Variants in KDM1A observed in about 807,000 individuals in gnomAD.
The protein encoded by KDM1A is lysine-specific histone demethylase 1A.
A neutral mutation model predicts 109.4 loss-of-function variants in KDM1A; 49 were observed. That is an observed-to-expected ratio of 0.45 (90% confidence interval 0.36 to 0.57). The LOEUF is 0.57. Among genes scored for constraint, KDM1A ranks in the 20% least tolerant of loss-of-function variants. The pLI is 0.00. For missense variants in KDM1A, 668 were observed against 1,116.6 expected, an observed-to-expected ratio of 0.60 and a Z score of 5.73; for synonymous variants, 380 against 415.4, an observed-to-expected ratio of 0.91 and a Z score of 1.04.
rs774035707 is a variant in KDM1A at position 23,066,111 on chromosome 1, T to G, written c.1179+40T>G. 9 of 1,362,452 alleles carry G rather than the reference T, an allele frequency of 6.6e-6. No homozygotes were observed. The South Asian group carries it at 1.1e-4, about 16-fold the overall frequency. The allele number at this position is 1,362,452 out of a possible 1,614,324, so 84.4% of individuals were successfully genotyped here. ...ATTTTTCAAATCATTTTCCTCACTG[T>G]TTACAATAACCCATTAAAAGCTTGA... On this transcript the variant is annotated intron_variant, in intron 10 of 20. Transcript: ENST00000400181.
intron 1 of KDM1A, among the ~76,000 whole-genome samples, chr1:23,030,216 A>G (rs1641941581): frequency 6.6e-6 from 1 of 152,224 alleles, no homozygotes; most frequent in Non-Finnish European, 1.5e-5. Flanking sequence ...AGAGAGCCTT[A>G]GAGTCAATGA....
intron 2 of KDM1A, among the ~76,000 whole-genome samples, chr1:23,034,690 A>C (rs1642090298): frequency 6.6e-6 from 1 of 152,006 alleles, no homozygotes; most frequent in Non-Finnish European, 1.5e-5. Flanking sequence ...CTTACTAGTT[A>C]GTTCCTGGAT....
intron 18 of KDM1A, 142 bp from the exon 19 acceptor site, chr1:23,081,304 A>C: frequency 1.1e-6 from 1 of 934,080 alleles, no homozygotes; most frequent in African/African-American, 1.7e-5. Flanking sequence ...CAGAAACATA[A>C]TCTGTCTCTT....
chr1:23,023,948 C>T (rs1311047223), intron 1 of KDM1A, among the ~76,000 whole-genome samples: 1 of 152,198 alleles, frequency 6.6e-6, no homozygotes, highest in Non-Finnish European at 1.5e-5. Context: ...CTCCCAGGCT[C>T]AAGTGATGCT....
At chr1:23,033,460 T>A (rs1350400752) in intron 2 of KDM1A, among the ~76,000 whole-genome samples, 1 of 152,008 alleles carries the variant, frequency 6.6e-6, no homozygotes, top group Non-Finnish European at 1.5e-5. Context: ...AGGCAGAGGT[T>A]GCAGTGATCT....
In KDM1A at chr1:23,082,412, G is replaced by A. The variant is rs367805660; in HGVS notation, c.2445+46G>A. On this transcript the variant is annotated intron_variant, in intron 20 of 20. Coordinates refer to ENST00000400181, the MANE Select transcript of KDM1A (RefSeq NM_001009999.3). ...CTGGGCTTATTTGGGAAGAGGCCAGGATCTCATGATGTCCCTGATTTTTTT... is the reference window on the plus strand; with the variant it reads ...CTGGGCTTATTTGGGAAGAGGCCAGAATCTCATGATGTCCCTGATTTTTTT... The A allele has an allele frequency of 7.9e-6, 12 of 1,513,370 alleles. No individual in the cohort carries two copies. The African/African-American group carries it at 8.5e-5, about 11-fold the overall frequency. The allele number at this position is 1,513,370 out of a possible 1,614,324, so 93.7% of individuals were successfully genotyped here. A position where few individuals can be genotyped will look rare whatever the true frequency, so the allele number is the denominator to read the frequency against.
chr1:23,061,010 A>G (rs1569763204), intron 9 of KDM1A, among the ~76,000 whole-genome samples: 4 of 152,196 alleles, frequency 2.6e-5, no homozygotes, highest in African/African-American at 4.8e-5. Context: ...CTGAATGTAG[A>G]GCAGGTTGAT....
rs1165455258 is a variant in KDM1A, at chr1:23,069,061, G to A, written c.1323G>A (p.Gln441=). The change falls in exon 12 of 21, where the codon CAG becomes CAA. Residue 441 remains glutamine, a splice_region_variant and synonymous_variant. Coordinates refer to ENST00000400181, the MANE Select transcript of KDM1A (RefSeq NM_001009999.3). ...SLGQALEVVI[Q]LQEKHVKDEQ... is the part of the protein sequence containing the mutation. ...AGATTATACATATTGTCTCTCTTAGGTTACAAGAGAAGCATGTCAAAGATG... is the reference window on the plus strand; with the variant it reads ...AGATTATACATATTGTCTCTCTTAGATTACAAGAGAAGCATGTCAAAGATG... 1.9e-5 allele frequency: 31 copies of A among 1,597,836 alleles called. No individual in the cohort carries two copies. Among genetic ancestry groups the A allele is most frequent in the Non-Finnish European group, 2.7e-5 (31 of 1,168,736 alleles).
rs1322283712 is a variant in KDM1A, at chr1:23,068,648, T to G, written c.1289T>G (p.Val430Gly). ...LDFNVLNNKP[V>G]SLGQALEVVI... is the part of the protein sequence containing the mutation. ...TTCAATGTCCTCAATAATAAGCCTG[T>G]GTCCCTTGGCCAGGCATTGGAAGTT... The change falls in exon 11 of 21, where the codon GTG (valine) becomes GGG (glycine). Residue 430 changes from valine (V) to glycine (G), a missense_variant. This residue lies in a region of KDM1A where 62 missense variants were observed against 82.8 expected (regional missense o/e 0.75). Transcript: ENST00000400181. 6.3e-7 allele frequency: 1 copy of G among 1,591,094 alleles called. No homozygotes were observed. Among genetic ancestry groups the G allele is most frequent in the Non-Finnish European group, 8.5e-7 (1 of 1,174,156 alleles).
chr1:23,046,824 A>G (rs561643777), intron 3 of KDM1A, among the ~76,000 whole-genome samples: 1 of 152,340 alleles, frequency 6.6e-6, no homozygotes, highest in African/African-American at 2.4e-5. Context: ...GCAGGAAGGA[A>G]CTGAACAGAA....
intron 2 of KDM1A, among the ~76,000 whole-genome samples, chr1:23,037,284 A>C (rs143982504): frequency 0.039 from 5,829 of 147,846 alleles, 393 homozygotes; most frequent in African/African-American, 0.14. Context: ...AGCCTGGGTG[A>C]TAGAGTGAGA....
In KDM1A at chr1:23,063,485, G is replaced by A. The variant is rs75844798; in HGVS notation, c.1168-2575G>A. 1.4e-3 allele frequency among the ~76,000 whole-genome samples: 214 copies of A among 152,226 alleles called. 2 individuals are homozygous for A. The highest frequency in any genetic ancestry group is 4.8e-3 in the African/African-American group (201 of 41,530). On this transcript the variant is annotated intron_variant, in intron 9 of 20. Coordinates refer to ENST00000400181, the MANE Select transcript of KDM1A (RefSeq NM_001009999.3). ...GTGGTGCTTAGGTTAGTATGCTTTT[G>A]ACACAGGTCTGTTGGCCTTCTTGGT...
intron 9 of KDM1A, among the ~76,000 whole-genome samples, chr1:23,063,763 G>T (rs191536358): frequency 6.6e-6 from 1 of 152,300 alleles, no homozygotes; most frequent in Admixed American, 6.5e-5. Context: ...AAAACTGCTA[G>T]AGAGAACTAC....
intron 2 of KDM1A, among the ~76,000 whole-genome samples, chr1:23,042,538 C>T (rs564676461): frequency 1.5e-5 from 2 of 137,176 alleles, no homozygotes; most frequent in African/African-American, 2.7e-5. Context: ...CTGCAAGCTC[C>T]GCCTCCCGGG....
chr1:23,035,393 G>A (rs1295625313), intron 2 of KDM1A, among the ~76,000 whole-genome samples: 2 of 152,118 alleles, frequency 1.3e-5, no homozygotes, highest in Non-Finnish European at 2.9e-5. Flanking sequence ...GTAGAGATGA[G>A]GTTTCTCCGC....
intron 9 of KDM1A, among the ~76,000 whole-genome samples, chr1:23,060,911 T>G (rs564619691): frequency 7.9e-5 from 12 of 152,222 alleles, no homozygotes; most frequent in African/African-American, 2.6e-4. Flanking sequence ...GTCTCCAGAG[T>G]GGCTATTACC....
intron 1 of KDM1A, among the ~76,000 whole-genome samples, chr1:23,028,322 G>A (rs1186394904): frequency 1.3e-5 from 2 of 152,100 alleles, no homozygotes; most frequent in Non-Finnish European, 2.9e-5. Flanking sequence ...GAGCCACCAC[G>A]CCCAGCCTTC....
At chr1:23,028,937 G>A (rs890209271) in intron 1 of KDM1A, among the ~76,000 whole-genome samples, 2 of 152,160 alleles carry the variant, frequency 1.3e-5, no homozygotes, top group African/African-American at 2.4e-5. Context: ...CACGTACTCA[G>A]TGTTCAGTAT....
At chr1:23,020,271 G>A (rs1641582971) in intron 1 of KDM1A, 2 of 213,658 alleles carry the variant, frequency 9.4e-6, no homozygotes, top group Non-Finnish European at 1.8e-5. Context: ...CCCTGACGTG[G>A]GGTTACGGTT....
Sources: gnomAD v4.1 joint callset for allele counts (sites outside exome capture counted in the v4.1 genomes callset) on GRCh38, gnomAD v4.1.1 for gene constraint, gnomAD v4.1.1 regional missense constraint, MANE v1.5 for transcripts, NCBI Gene and HGNC (gene_info 2026-07-23, HGNC 2026-07-21) for gene names.